Variants in SCGB2B2 observed in about 807,000 individuals in gnomAD.
The protein encoded by SCGB2B2 is secretoglobin family 2B member 2.
In SCGB2B2, 11 loss-of-function variants were observed where a neutral mutation model predicts 7.6. The observed-to-expected ratio is 1.45, with a 90% CI of 0.91 to 2.40. The LOEUF (loss-of-function observed/expected upper bound fraction) is 2.40, where lower values mean the gene tolerates loss of function less well. SCGB2B2 is among the 30% of genes most tolerant of loss of function. The pLI, the probability that SCGB2B2 is intolerant of heterozygous loss-of-function variation, is 0.00. For synonymous variants in SCGB2B2, 50 were observed against 48.6 expected, an observed-to-expected ratio of 1.03 and a Z score of -0.12; for missense variants, 104 against 115.4, an observed-to-expected ratio of 0.90 and a Z score of 0.45.
chr19:34,619,724 G>T (rs147542670), intron 1 of SCGB2B2, among the ~76,000 whole-genome samples: 2 of 152,284 alleles, frequency 1.3e-5, no homozygotes, highest in East Asian at 1.9e-4. Context: ...AGCATGAAAA[G>T]ACAAAAACCT....
At chr19:34,593,738 G>A (rs1048585334) in intron 3 of SCGB2B2, 139 bp from the exon 4 acceptor site, 1 of 674,854 alleles carries the variant, frequency 1.5e-6, no homozygotes, top group Non-Finnish European at 2.6e-6. Flanking sequence ...TCTGGACAAA[G>A]ATGGTGGATG....
intron 1 of SCGB2B2, among the ~76,000 whole-genome samples, chr19:34,651,071 TAAC>T (rs987177817): frequency 9.3e-5 from 14 of 151,230 alleles, no homozygotes; most frequent in African/African-American, 1.5e-4. Flanking sequence ...TAAAAACTCT[TAAC>T]AAACTGTGTA....
chr19:34,650,123 C>T lies in SCGB2B2; in HGVS notation c.-2032+25507G>A, dbSNP rs532367303. Among the ~76,000 whole-genome samples the T allele has an allele frequency of 7.3e-5, 11 of 151,370 alleles. 2 individuals are homozygous for T. The highest frequency in any genetic ancestry group is 2.7e-4 in the African/African-American group (11 of 40,626). On this transcript the variant is annotated intron_variant, in intron 1 of 3. Transcript: ENST00000601241. ...TGGTTGAGGTCAGAGGACAGAAAAT[C>T]TAGCGAGAGAGGGACTGGAGCAAGA...
rs573705302 is a variant in SCGB2B2, at chr19:34,654,234, G to C, written c.-2032+21396C>G. On this transcript the variant is annotated intron_variant, in intron 1 of 3. Transcript: ENST00000601241. Reference sequence around the variant, plus strand: ...TATACAAGATTTTAAAATAAAATTAGAATCAACTTAATAGGTTAATGAAGA... The same window carrying C: ...TATACAAGATTTTAAAATAAAATTACAATCAACTTAATAGGTTAATGAAGA... Among the ~76,000 whole-genome samples, 6 of 150,994 alleles carry C rather than the reference G, an allele frequency of 4.0e-5. No homozygotes were observed. In the South Asian group the frequency reaches 1.0e-3, roughly 26 times the overall value.
intron 1 of SCGB2B2, among the ~76,000 whole-genome samples, chr19:34,647,715 C>T (rs990855086): frequency 6.6e-6 from 1 of 152,172 alleles, no homozygotes; most frequent in Admixed American, 6.5e-5. Flanking sequence ...CAGATGAGGG[C>T]GCTGCTTCCC....
intron 1 of SCGB2B2, among the ~76,000 whole-genome samples, chr19:34,662,493 GT>G (rs975602132): frequency 2.7e-4 from 35 of 131,832 alleles, no homozygotes; most frequent in Non-Finnish European, 5.6e-4. Context: ...AGATAAAAAT[GT>G]TTTTTAAACA....
chr19:34,645,759 TG>T, intron 1 of SCGB2B2: 2 of 342,730 alleles, frequency 5.8e-6, no homozygotes, highest in South Asian at 2.7e-5. Flanking sequence ...AGGAAACAGG[TG>T]GCCCTGCTCC....
chr19:34,660,684 A>T (rs1439446561), intron 1 of SCGB2B2, among the ~76,000 whole-genome samples: 1 of 152,228 alleles, frequency 6.6e-6, no homozygotes, highest in Non-Finnish European at 1.5e-5. Context: ...TTGAAGAGTA[A>T]ATTAGTTCAA....
At chr19:34,670,527 C>T (rs2067774391) in intron 1 of SCGB2B2, among the ~76,000 whole-genome samples, 1 of 152,168 alleles carries the variant, frequency 6.6e-6, no homozygotes, top group Non-Finnish European at 1.5e-5. Context: ...TACTGCCATC[C>T]CTCTATCTTC....
chr19:34,618,786 T>C (rs1463573026), intron 1 of SCGB2B2, among the ~76,000 whole-genome samples: 1 of 152,204 alleles, frequency 6.6e-6, no homozygotes, highest in East Asian at 1.9e-4. Flanking sequence ...GTGGAAAAGA[T>C]GGTAAACAAG....
intron 1 of SCGB2B2, among the ~76,000 whole-genome samples, chr19:34,609,926 TACA>T (rs1478387119): frequency 6.6e-6 from 1 of 152,144 alleles, no homozygotes; most frequent in Non-Finnish European, 1.5e-5. Flanking sequence ...CGCTCATTTT[TACA>T]ACATTAATTC....
At chr19:34,585,669 T>C (rs1220164880), downstream of SCGB2B2, among the ~76,000 whole-genome samples, 4 of 152,186 alleles carry the variant, frequency 2.6e-5, no homozygotes, top group African/African-American at 9.7e-5. Flanking sequence ...CTTGGTTATA[T>C]GGAGTGGTGA....
intron 1 of SCGB2B2, among the ~76,000 whole-genome samples, chr19:34,669,487 C>T (rs1395179137): frequency 1.3e-5 from 2 of 152,214 alleles, no homozygotes; most frequent in African/African-American, 4.8e-5. Context: ...CAAGACACAC[C>T]GTTATGCCTC....
At chr19:34,604,547 A>T (rs1322764452) in intron 1 of SCGB2B2, among the ~76,000 whole-genome samples, 3 of 152,194 alleles carry the variant, frequency 2.0e-5, no homozygotes, top group Non-Finnish European at 2.9e-5. Flanking sequence ...TGTCATTTTA[A>T]TCTATTGAAT....
rs77853003 is a variant in SCGB2B2 at position 34,676,667 on chromosome 19, G to C, written c.-3069C>G. 1 of 152,074 alleles carries C rather than the reference G, an allele frequency of 6.6e-6. No homozygotes were observed. The highest frequency in any genetic ancestry group is 2.4e-5 in the African/African-American group (1 of 41,388). The allele number at this position is 152,074 out of a possible 1,614,324, so 9.4% of individuals were successfully genotyped here. A position where few individuals can be genotyped will look rare whatever the true frequency, so the allele number is the denominator to read the frequency against. On this transcript the variant is annotated 5_prime_UTR_variant, in exon 1 of 4. Transcript: ENST00000601241. ...AGAACTCTCTCTTGGGGTCGGATCC[G>C]GACCCCTTTCTGGTAACAGAAGCAC...
At chr19:34,600,809 C>T (rs2065600869) in intron 1 of SCGB2B2, among the ~76,000 whole-genome samples, 1 of 151,966 alleles carries the variant, frequency 6.6e-6, no homozygotes, top group South Asian at 2.1e-4. Flanking sequence ...AAAATGTCTT[C>T]CCCAACACCA....
chr19:34,617,667 T>C (rs1453984310), intron 1 of SCGB2B2, among the ~76,000 whole-genome samples: 1 of 152,238 alleles, frequency 6.6e-6, no homozygotes, highest in Non-Finnish European at 1.5e-5. Flanking sequence ...CCTAACTGAA[T>C]ACCCTTTATT....
At chr19:34,652,562 G>A (rs953110669) in intron 1 of SCGB2B2, among the ~76,000 whole-genome samples, 10 of 151,172 alleles carry the variant, frequency 6.6e-5, no homozygotes, top group Non-Finnish European at 1.2e-4. Context: ...GATCTGGCAC[G>A]TTCAGGGTGG....
chr19:34,642,000 C>A lies in SCGB2B2; in HGVS notation c.-2032+33630G>T, dbSNP rs539072581. ...ACCTTTCAGGGGCTAAGAGCCTTGTCCCCACAGTTTTGGTGCAGCAAGCAG... is the reference window on the plus strand; with the variant it reads ...ACCTTTCAGGGGCTAAGAGCCTTGTACCCACAGTTTTGGTGCAGCAAGCAG... On this transcript the variant is annotated intron_variant, in intron 1 of 3. Coordinates refer to ENST00000601241, the MANE Select transcript of SCGB2B2 (RefSeq NM_001025591.4). 1.1e-3 allele frequency among the ~76,000 whole-genome samples: 163 copies of A among 151,836 alleles called. 1 individual carries two copies. Among genetic ancestry groups the A allele is most frequent in the Middle Eastern group, 3.4e-3 (1 of 292 alleles).
Sources: gnomAD v4.1 joint callset for allele counts (sites outside exome capture counted in the v4.1 genomes callset) on GRCh38, gnomAD v4.1.1 for gene constraint, MANE v1.5 for transcripts, NCBI Gene and HGNC (gene_info 2026-07-23, HGNC 2026-07-21) for gene names.